The following HERC2 variants were observed in gnomAD, a reference collection of about 807,000 sequenced individuals.
The protein encoded by HERC2 is HECT and RLD domain containing E3 ubiquitin protein ligase 2.
HERC2 carries 102 observed loss-of-function variants against 537.7 expected under a neutral mutation model. The observed-to-expected ratio is 0.19, with a 90% CI of 0.16 to 0.22. The LOEUF (loss-of-function observed/expected upper bound fraction) is 0.22. Among genes scored for constraint, HERC2 ranks in the 10% least tolerant of loss-of-function variants. HERC2 has a pLI of 1.00. For missense variants in HERC2, 4,236 were observed against 6,198.2 expected, an observed-to-expected ratio of 0.68 and a Z score of 10.63; for synonymous variants, 2,224 against 2,466.2, an observed-to-expected ratio of 0.90 and a Z score of 2.91.
At chr15:28,164,120 C>A (rs1020693860) in intron 68 of HERC2, among the ~76,000 whole-genome samples, 1 of 152,224 alleles carries the variant, frequency 6.6e-6, no homozygotes, top group Non-Finnish European at 1.5e-5. Flanking sequence ...CTGTGCAGAG[C>A]AGGAGTGTGT....
chr15:28,259,102 T>C (rs935118771), intron 16 of HERC2, among the ~76,000 whole-genome samples: 3 of 152,222 alleles, frequency 2.0e-5, no homozygotes, highest in African/African-American at 7.2e-5. Flanking sequence ...TTGTTTGTTT[T>C]TGTTTTTTTG....
Position 28,233,191 on chromosome 15 carries a change from T to C in HERC2, c.4630A>G (p.Arg1544Gly). The change falls in exon 30 of 93, where the codon AGG becomes GGG. Residue 1544 changes from arginine (R) to glycine (G), a missense_variant. This residue lies in a region of HERC2 where 343 missense variants were observed against 417.2 expected (regional missense o/e 0.82). Transcript: ENST00000261609. The part of the protein sequence containing the change: ...FKLLSSLPRW[R>G]RIAQKIIRER... ...CGAATTATCTTTTGAGCTATCCTCC[T>C]CCAACGGGGCAAAGAACTTAACAAT... 6.2e-7 allele frequency: 1 copy of C among 1,611,914 alleles called. No individual in the cohort carries two copies. The highest frequency in any genetic ancestry group is 8.5e-7 in the Non-Finnish European group (1 of 1,179,814).
At position 28,168,353 on chromosome 15, in the gene HERC2, C is replaced by T. The variant is rs1003587982; in HGVS notation, c.10413+54G>A. On this transcript the variant is annotated intron_variant, in intron 67 of 92. Coordinates refer to ENST00000261609, the MANE Select transcript of HERC2 (RefSeq NM_004667.6). Reference sequence around the variant, plus strand: ...TGACACAATGAGACTTTCCTAGACACAAAGTAGCCACCTTTTCCTTTCTGA... The same window carrying T: ...TGACACAATGAGACTTTCCTAGACATAAAGTAGCCACCTTTTCCTTTCTGA... The T allele has an allele frequency of 8.4e-6, 13 of 1,542,842 alleles. No homozygotes were observed. The Admixed American group carries it at 2.3e-4, about 27-fold the overall frequency.
chr15:28,122,318 G>A lies in HERC2; in HGVS notation c.13189-889C>T, dbSNP rs1162706009. On this transcript the variant is annotated intron_variant, in intron 85 of 92. Coordinates refer to ENST00000261609, the MANE Select transcript of HERC2 (RefSeq NM_004667.6). This position sits in a 1 kb window ranked among gnomAD's most constrained non-coding sequence, Gnocchi z 4.1. ...GGAAAGGGATGAGACAGGTCAGCAG[G>A]GGTCTCAGCTCTCTTGGCCAAGGAG... Among the ~76,000 whole-genome samples, 1 of 152,196 alleles carries A rather than the reference G, an allele frequency of 6.6e-6. No individual in the cohort carries two copies. The highest frequency in any genetic ancestry group is 1.9e-4 in the East Asian group (1 of 5,182).
At chr15:28,217,607 T>C (rs928489804) in intron 38 of HERC2, among the ~76,000 whole-genome samples, 1 of 152,212 alleles carries the variant, frequency 6.6e-6, no homozygotes, top group African/African-American at 2.4e-5. Flanking sequence ...ACTTTATGGA[T>C]TAAACTGTGC....
chr15:28,242,393 T>A (rs1180853865), intron 23 of HERC2, among the ~76,000 whole-genome samples: 1 of 152,202 alleles, frequency 6.6e-6, no homozygotes, highest in African/African-American at 2.4e-5. Flanking sequence ...AAAACCTGAA[T>A]GTCTATTATG....
chr15:28,127,681 T>C (rs769895856), intron 83 of HERC2, among the ~76,000 whole-genome samples: 1 of 152,026 alleles, frequency 6.6e-6, no homozygotes, highest in Non-Finnish European at 1.5e-5. Context: ...GGTCGAGGCG[T>C]GGGGCATGGC....
At position 28,212,550 on chromosome 15, in the gene HERC2, G is replaced by A. The variant is rs1207256292; in HGVS notation, c.6820C>T (p.Pro2274Ser). ...PAVAFNVNNLPFTEPMLSVWA... is the reference protein window; with the variant it reads ...PAVAFNVNNLSFTEPMLSVWA... Reference sequence around the variant, plus strand: ...ACAGACAGCATGGGCTCTGTGAAGGGCAGGTTGTTCACATTAAAGGCCACG... The same window carrying A: ...ACAGACAGCATGGGCTCTGTGAAGGACAGGTTGTTCACATTAAAGGCCACG... Residue 2274 changes from proline (P) to serine (S), a missense_variant, in exon 43 of 93, where the codon CCC becomes TCC. Physicochemically the swap from Pro to Ser is moderately conservative, Grantham distance 74. This residue lies in a region of HERC2 where 67 missense variants were observed against 140.1 expected (regional missense o/e 0.48). Transcript: ENST00000261609. 4 of 1,575,462 alleles carry A rather than the reference G, an allele frequency of 2.5e-6. No individual in the cohort carries two copies. In the South Asian group the frequency reaches 4.5e-5, roughly 18 times the overall value.
chr15:28,172,089 A>G (rs1276618679), intron 65 of HERC2, among the ~76,000 whole-genome samples: 7 of 151,780 alleles, frequency 4.6e-5, no homozygotes. Flanking sequence ...AAAAAAAAAA[A>G]ACCTACACAA....
At chr15:28,247,237 C>T (rs980014755) in intron 21 of HERC2, among the ~76,000 whole-genome samples, 1 of 151,894 alleles carries the variant, frequency 6.6e-6, no homozygotes, top group Admixed American at 6.6e-5. Flanking sequence ...CTCAAGTGAT[C>T]CTCCTGCCTC....
At chr15:28,277,673 CG>C (rs2075911876) in intron 5 of HERC2, among the ~76,000 whole-genome samples, 1 of 152,080 alleles carries the variant, frequency 6.6e-6, no homozygotes, top group Non-Finnish European at 1.5e-5. Flanking sequence ...CACCTACCGC[CG>C]ACCCGTACAT....
At chr15:28,224,226 C>G (rs559561730) in intron 35 of HERC2, among the ~76,000 whole-genome samples, 65 of 151,316 alleles carry the variant, frequency 4.3e-4, no homozygotes, top group Non-Finnish European at 8.6e-4. Flanking sequence ...CCCCCCACCC[C>G]CAAGACAGGA....
intron 2 of HERC2, among the ~76,000 whole-genome samples, chr15:28,314,726 T>C (rs1248770971): frequency 6.6e-6 from 1 of 151,862 alleles, no homozygotes; most frequent in Non-Finnish European, 1.5e-5. Flanking sequence ...CCAGGAATGA[T>C]GGTACACGCC....
chr15:28,143,693 A>G (rs531160427), intron 74 of HERC2, among the ~76,000 whole-genome samples, 180 bp downstream of exon 74: 17 of 151,936 alleles, frequency 1.1e-4, no homozygotes, highest in African/African-American at 4.1e-4. Flanking sequence ...TGATCCGCCC[A>G]CCTCAGCCTC....
intron 26 of HERC2, among the ~76,000 whole-genome samples, chr15:28,236,320 C>T (rs535491221): frequency 3.9e-5 from 6 of 152,048 alleles, no homozygotes; most frequent in Admixed American, 1.3e-4. Context: ...GACGGAGTCT[C>T]GCTCTTGTCA....
chr15:28,149,569 T>C (rs1385519728), intron 70 of HERC2, among the ~76,000 whole-genome samples: 1 of 150,458 alleles, frequency 6.6e-6, no homozygotes, highest in African/African-American at 2.5e-5. Context: ...ACATACGTTC[T>C]AGTAAAATTA....
chr15:28,298,631 T>G (rs1567135875), intron 3 of HERC2: 1 of 150,624 alleles, frequency 6.6e-6, no homozygotes, highest in African/African-American at 2.4e-5. Context: ...CTGTCTCTAC[T>G]AAAAAATACA....
chr15:28,134,961 C>G (rs1890477118), intron 79 of HERC2, among the ~76,000 whole-genome samples: 1 of 152,118 alleles, frequency 6.6e-6, no homozygotes, highest in African/African-American at 2.4e-5. Context: ...GCGTGAGCCA[C>G]CACGCCGGAC....
At position 28,113,041 on chromosome 15, in the gene HERC2, C is replaced by A; in HGVS notation, c.14232+30G>T. 1 of 1,601,846 alleles carries A rather than the reference C, an allele frequency of 6.2e-7. No individual in the cohort carries two copies. Among genetic ancestry groups the A allele is most frequent in the Non-Finnish European group, 8.5e-7 (1 of 1,172,494 alleles). On this transcript the variant is annotated intron_variant, in intron 92 of 92. Coordinates refer to ENST00000261609, the MANE Select transcript of HERC2 (RefSeq NM_004667.6). The surrounding 1 kb of genome is among the most constrained non-coding windows in gnomAD (Gnocchi z 7.0). ...CACCCACCGTCGGCCGACATCAGCCCAGGGCCGGCAAGCCCAGCCAGGAGC... is the reference window on the plus strand; with the variant it reads ...CACCCACCGTCGGCCGACATCAGCCAAGGGCCGGCAAGCCCAGCCAGGAGC...
Sources: allele counts gnomAD v4.1 joint callset (sites outside exome capture counted in the v4.1 genomes callset), GRCh38; gene constraint gnomAD v4.1.1; regional missense constraint gnomAD v4.1.1; non-coding constraint Gnocchi (gnomAD v3.1); transcripts MANE v1.5; gene names NCBI Gene and HGNC (gene_info 2026-07-23, HGNC 2026-07-21).